The following TASP1 variants were observed in gnomAD, a reference collection of about 807,000 sequenced individuals.
The protein encoded by TASP1 is taspase 1, also known as threonine aspartase 1.
Under a neutral mutation model 56.6 loss-of-function variants are expected in TASP1, and 16 were observed. The observed-to-expected ratio is 0.28, with a 90% CI of 0.19 to 0.43. TASP1 has a LOEUF of 0.43. Ranked by LOEUF, TASP1 falls within the 20% of genes least tolerant of loss-of-function variation. The pLI, the probability that TASP1 is intolerant of heterozygous loss-of-function variation, is 1.00. For synonymous variants in TASP1, 179 were observed against 184.2 expected (o/e 0.97, Z 0.23); for missense variants, 393 against 511.6 (o/e 0.77, Z 2.24).
intron 2 of TASP1, among the ~76,000 whole-genome samples, chr20:13,629,178 C>A (rs1380194190): frequency 6.6e-6 from 1 of 151,972 alleles, no homozygotes; most frequent in Non-Finnish European, 1.5e-5. Context: ...CCCACCTGGC[C>A]AATATGGTGA....
intron 11 of TASP1, among the ~76,000 whole-genome samples, chr20:13,476,943 G>A (rs2042969858): frequency 6.6e-6 from 1 of 152,038 alleles, no homozygotes; most frequent in Non-Finnish European, 1.5e-5. Flanking sequence ...AGATTTTAGT[G>A]TTTGAAAAAG....
intron 8 of TASP1, among the ~76,000 whole-genome samples, chr20:13,543,688 C>T (rs954017407): frequency 1.3e-5 from 2 of 152,206 alleles, no homozygotes; most frequent in African/African-American, 4.8e-5. Flanking sequence ...CTCCACAATA[C>T]AAGAAGACCA....
intron 9 of TASP1, among the ~76,000 whole-genome samples, chr20:13,529,358 C>T (rs993390904): frequency 1.3e-5 from 2 of 152,190 alleles, no homozygotes; most frequent in Admixed American, 6.6e-5. Flanking sequence ...CAACTAATAA[C>T]TCTTCCACTC....
chr20:13,517,690 A>C (rs1413986705), intron 10 of TASP1, among the ~76,000 whole-genome samples: 3 of 152,168 alleles, frequency 2.0e-5, no homozygotes, highest in African/African-American at 7.2e-5. Context: ...ACTCATTTAA[A>C]ATCTCTAAGA....
chr20:13,438,964 T>A (rs1418055264), intron 11 of TASP1, among the ~76,000 whole-genome samples: 6 of 152,162 alleles, frequency 3.9e-5, no homozygotes, highest in Non-Finnish European at 8.8e-5. Flanking sequence ...AGACACCATC[T>A]CACATCAGTT....
At chr20:13,230,431 G>C in the TASP1 span, among the ~76,000 whole-genome samples, 3 of 151,896 alleles carry the variant, frequency 2.0e-5, no homozygotes, top group Non-Finnish European at 2.9e-5. Flanking sequence ...TCTTTAACTT[G>C]TCTTCATTAG....
At chr20:13,559,232 G>C (rs762409945) in intron 7 of TASP1, 118 bp from the exon 8 acceptor site, 44 of 560,828 alleles carry the variant, frequency 7.8e-5, no homozygotes, top group Non-Finnish European at 1.1e-4. Flanking sequence ...GTTAAATTAA[G>C]GGTTTAAAAA....
chr20:13,550,139 T>TACACAC (rs2045930387), intron 8 of TASP1, among the ~76,000 whole-genome samples: 1 of 120,064 alleles, frequency 8.3e-6, no homozygotes, highest in African/African-American at 2.9e-5. Context: ...ATATGGAATA[T>TACACAC]ATACACATAC....
chr20:13,576,647 T>TA (rs1259160035), intron 6 of TASP1, among the ~76,000 whole-genome samples: 1 of 152,196 alleles, frequency 6.6e-6, no homozygotes, highest in Non-Finnish European at 1.5e-5. Context: ...TTAAAAATCT[T>TA]AATAAATGCA....
At chr20:13,443,446 C>CA (rs1454241246) in intron 11 of TASP1, among the ~76,000 whole-genome samples, 13 of 151,972 alleles carry the variant, frequency 8.6e-5, no homozygotes, top group East Asian at 1.9e-4. Flanking sequence ...CAAGCAGCTG[C>CA]AAAAAACAAG....
At chr20:13,224,271 C>T in the TASP1 span, among the ~76,000 whole-genome samples, 6 of 152,152 alleles carry the variant, frequency 3.9e-5, no homozygotes, top group Admixed American at 3.9e-4. Flanking sequence ...AAGTTTTATA[C>T]TCTTCCTGAC....
intron 10 of TASP1, among the ~76,000 whole-genome samples, chr20:13,504,133 A>G (rs1312651244): frequency 6.6e-6 from 1 of 152,166 alleles, no homozygotes; most frequent in African/African-American, 2.4e-5. Flanking sequence ...CACTGAAAAC[A>G]TACTTCATCA....
intron 7 of TASP1, among the ~76,000 whole-genome samples, chr20:13,567,612 T>C (rs2046578449): frequency 6.6e-6 from 1 of 151,450 alleles, no homozygotes; most frequent in Non-Finnish European, 1.5e-5. Flanking sequence ...CATCAAAACA[T>C]GGGAATTAAG....
At chr20:13,457,781 A>G (rs1371884427) in intron 11 of TASP1, among the ~76,000 whole-genome samples, 1 of 152,170 alleles carries the variant, frequency 6.6e-6, no homozygotes, top group African/African-American at 2.4e-5. Flanking sequence ...AATCTAATAG[A>G]GCTATGTTAA....
At chr20:13,446,384 G>T (rs2043412277) in intron 11 of TASP1, among the ~76,000 whole-genome samples, 1 of 152,064 alleles carries the variant, frequency 6.6e-6, no homozygotes, top group South Asian at 2.1e-4. Flanking sequence ...ATCCTTAATG[G>T]TTGTTAACTA....
intron 6 of TASP1, 54 bp from the exon 7 acceptor site, chr20:13,569,640 T>G: frequency 1.4e-6 from 2 of 1,458,014 alleles, no homozygotes; most frequent in South Asian, 2.3e-5. Context: ...CTCCTACATA[T>G]TCAATAAATA....
At chr20:13,151,623 A>G in the TASP1 span, among the ~76,000 whole-genome samples, 1 of 152,230 alleles carries the variant, frequency 6.6e-6, no homozygotes, top group Non-Finnish European at 1.5e-5. Flanking sequence ...GTTCCACTCA[A>G]CTAAATCTCC....
At chr20:13,151,490 T>C in the TASP1 span, among the ~76,000 whole-genome samples, 2 of 152,168 alleles carry the variant, frequency 1.3e-5, no homozygotes, top group East Asian at 3.9e-4. Context: ...CATCACAACC[T>C]GCCTGCTGGG....
At chr20:13,552,503 C>T (rs2046012536) in intron 8 of TASP1, among the ~76,000 whole-genome samples, 1 of 152,106 alleles carries the variant, frequency 6.6e-6, no homozygotes, top group African/African-American at 2.4e-5. Context: ...GCCATTAAGG[C>T]TCTAGATATA....
Sources: allele counts gnomAD v4.1 joint callset (sites outside exome capture counted in the v4.1 genomes callset), GRCh38; gene constraint gnomAD v4.1.1; transcripts MANE v1.5; gene names NCBI Gene and HGNC (gene_info 2026-07-23, HGNC 2026-07-21).